Variants in SERPINB8 observed in about 807,000 individuals in gnomAD.
The protein encoded by SERPINB8 is serpin family B member 8.
Under a neutral mutation model 35.3 loss-of-function variants are expected in SERPINB8, and 25 were observed. That is an observed-to-expected ratio of 0.71 (90% CI 0.52 to 0.99). The LOEUF is 0.99. Among genes scored for constraint, SERPINB8 ranks in the 50% least tolerant of loss-of-function variants. The probability of loss-of-function intolerance (pLI) is 0.00; values close to 1 mark genes in which losing one functional copy is unlikely to be tolerated. For missense variants in SERPINB8, 484 were observed against 446.5 expected, an observed-to-expected ratio of 1.08 and a Z score of -0.76; for synonymous variants, 186 against 160.8, an observed-to-expected ratio of 1.16 and a Z score of -1.19.
At chr18:63,990,663 T>TCCCCCCCCCC (rs1306265823), downstream of SERPINB8, among the ~76,000 whole-genome samples, 1 of 144,126 alleles carries the variant, frequency 6.9e-6, no homozygotes, top group Non-Finnish European at 1.5e-5. Flanking sequence ...CTATCCCTCA[T>TCCCCCCCCCC]CCCTCCCCCC....
intron 5 of SERPINB8, among the ~76,000 whole-genome samples, chr18:63,984,631 C>G (rs951496752): frequency 2.0e-5 from 3 of 152,190 alleles, no homozygotes; most frequent in African/African-American, 7.2e-5. Flanking sequence ...TCTTCAAGGT[C>G]CCCTTCCTAA....
rs1460100854 is a variant in SERPINB8 at position 63,979,914 on chromosome 18, A to G, written c.282A>G (p.Gly94=). ...TTAGAACTGCCAACAGACTCTTTGG[A>G]GAAAAGACGTGTGATTTCCTTCCAG... ...YLLRTANRLF[G]EKTCDFLPDF... is the part of the protein sequence containing the mutation. Residue 94 remains glycine (G), a synonymous_variant, in exon 3 of 7, where the codon GGA becomes GGG. Transcript: ENST00000397985. 6.2e-7 allele frequency: 1 copy of G among 1,614,018 alleles called. No homozygotes were observed. Among genetic ancestry groups the G allele is most frequent in the African/African-American group, 1.3e-5 (1 of 74,938 alleles).
At chr18:64,007,173 T>C (rs763950352), downstream of SERPINB8, among the ~76,000 whole-genome samples, 3 of 151,810 alleles carry the variant, frequency 2.0e-5, no homozygotes, top group Non-Finnish European at 4.4e-5. Context: ...GATTACAATA[T>C]AATAAAATAA....
chr18:63,983,575 A>G lies in SERPINB8; in HGVS notation c.425-4A>G, dbSNP rs754448185. The stretch of plus-strand genomic sequence containing the variant: ...ATTGCAATAAACTCTCATATTCTTT[A>G]TAGGTAAGATTTCAGAGGTACTGGA... On this transcript the variant is annotated splice_polypyrimidine_tract_variant and splice_region_variant and intron_variant, in intron 4 of 6. Coordinates refer to ENST00000397985, the MANE Select transcript of SERPINB8 (RefSeq NM_002640.4). The G allele has an allele frequency of 6.2e-7, 1 of 1,613,038 alleles. No individual in the cohort carries two copies. The highest frequency in any genetic ancestry group is 8.5e-7 in the Non-Finnish European group (1 of 1,179,418).
At chr18:63,992,001 G>A (rs2050827267), downstream of SERPINB8, among the ~76,000 whole-genome samples, 1 of 152,140 alleles carries the variant, frequency 6.6e-6, no homozygotes, top group African/African-American at 2.4e-5. Context: ...TGGTCATGAT[G>A]TATTTCCTAT....
In SERPINB8 at chr18:63,987,191, A is replaced by C. The variant is rs778938577; in HGVS notation, c.1038A>C (p.Arg346Ser). 6.2e-7 allele frequency: 1 copy of C among 1,614,176 alleles called. No homozygotes were observed. The highest frequency in any genetic ancestry group is 1.7e-5 in the Admixed American group (1 of 60,020). ...CCCGGTGCAGCAGAATGGAGCCAAG[A>C]TTCTGTGCAGACCACCCTTTTCTTT... ...RNSRCSRMEP[R>S]FCADHPFLFF... Residue 346 changes from arginine to serine, a missense_variant, in exon 7 of 7, where the codon AGA becomes AGC. Coordinates refer to ENST00000397985, the MANE Select transcript of SERPINB8 (RefSeq NM_002640.4).
chr18:63,993,689 A>T (rs1372110892), downstream of SERPINB8, among the ~76,000 whole-genome samples: 2 of 152,198 alleles, frequency 1.3e-5, no homozygotes, highest in Non-Finnish European at 2.9e-5. Flanking sequence ...GTCCAGCTCT[A>T]GGTCAAAATC....
At position 63,987,374 on chromosome 18, in the gene SERPINB8, C is replaced by A; in HGVS notation, c.*96C>A. 3.2e-6 allele frequency: 4 copies of A among 1,253,564 alleles called. No homozygotes were observed. Among genetic ancestry groups the A allele is most frequent in the South Asian group, 1.4e-5 (1 of 69,658 alleles). 77.7% of individuals were successfully genotyped at this position (1,253,564 alleles called of 1,614,324 possible). A position where few individuals can be genotyped will look rare whatever the true frequency, so the allele number is the denominator to read the frequency against. On this transcript the variant is annotated 3_prime_UTR_variant, in exon 7 of 7. Coordinates refer to ENST00000397985, the MANE Select transcript of SERPINB8 (RefSeq NM_002640.4). ...CTAGTTGGTGCAGTGGCTTGAATGC[C>A]AAAATAAAGCGTGTGCACTGGATAG...
downstream of SERPINB8, among the ~76,000 whole-genome samples, chr18:63,989,874 C>T (rs1236832189): frequency 8.4e-6 from 1 of 118,406 alleles, no homozygotes; most frequent in Non-Finnish European, 1.6e-5. Flanking sequence ...ACCCGGGAGG[C>T]GGAGCTTGCA....
chr18:64,005,548 G>T (rs1182415348), exon 2 of SERPINB8: 2 of 152,186 alleles, frequency 1.3e-5, no homozygotes, highest in Non-Finnish European at 2.9e-5. Context: ...CAGTGAGAAG[G>T]TGCCATCTAT....
At chr18:64,011,666 T>A (rs2050926584) in intron 7 of SERPINB8, among the ~76,000 whole-genome samples, 1 of 152,158 alleles carries the variant, frequency 6.6e-6, no homozygotes, top group Non-Finnish European at 1.5e-5. Flanking sequence ...AACAATGTAT[T>A]GTTATTTGAA....
downstream of SERPINB8, among the ~76,000 whole-genome samples, chr18:63,994,210 T>C (rs1361768537): frequency 9.2e-5 from 14 of 152,076 alleles, no homozygotes; most frequent in Admixed American, 9.2e-4. Context: ...AATGGCACCA[T>C]GTCCTGGGTA....
At chr18:63,993,241 A>C (rs1376219623), downstream of SERPINB8, among the ~76,000 whole-genome samples, 2 of 152,186 alleles carry the variant, frequency 1.3e-5, no homozygotes, top group Non-Finnish European at 2.9e-5. Context: ...GGCATCAATA[A>C]ATTTTGATAT....
chr18:63,975,542 T>C (rs915799014), intron 1 of SERPINB8, among the ~76,000 whole-genome samples: 1 of 152,186 alleles, frequency 6.6e-6, no homozygotes, highest in African/African-American at 2.4e-5. Flanking sequence ...CATGATTGTG[T>C]TTTCTTGGTT....
intron 1 of SERPINB8, among the ~76,000 whole-genome samples, chr18:63,994,819 C>G (rs1422767857): frequency 6.6e-6 from 1 of 152,154 alleles, no homozygotes; most frequent in Non-Finnish European, 1.5e-5. Context: ...AATTTTTATG[C>G]CACTACTGCT....
intron 4 of SERPINB8, among the ~76,000 whole-genome samples, chr18:63,982,583 A>G (rs889722252): frequency 7.9e-5 from 12 of 152,226 alleles, no homozygotes; most frequent in Admixed American, 3.9e-4. Flanking sequence ...TGTGTCCAGC[A>G]GAAGTAATGC....
At chr18:63,980,056 A>T in intron 3 of SERPINB8, 118 bp downstream of exon 3, 1 of 1,001,940 alleles carries the variant, frequency 1.0e-6, no homozygotes, top group African/African-American at 1.6e-5. Flanking sequence ...CACTTCTGAA[A>T]TTACAATTTT....
At chr18:64,011,641 T>A (rs879327730) in intron 7 of SERPINB8, among the ~76,000 whole-genome samples, 4 of 152,188 alleles carry the variant, frequency 2.6e-5, no homozygotes, top group Non-Finnish European at 5.9e-5. Flanking sequence ...TGAGTAGAGC[T>A]GCCATTAATT....
At position 63,988,805 on chromosome 18, in the gene SERPINB8, T is replaced by G. The variant is rs889770041; in HGVS notation, c.*1527T>G. ...TTTCCAAAGCAGGTTTGGGCAAAATTAATCCACAGGACTGAAAGGTATACA... is the reference window on the plus strand; with the variant it reads ...TTTCCAAAGCAGGTTTGGGCAAAATGAATCCACAGGACTGAAAGGTATACA... On this transcript the variant is annotated 3_prime_UTR_variant, in exon 7 of 7. Coordinates refer to ENST00000397985, the MANE Select transcript of SERPINB8 (RefSeq NM_002640.4). The G allele has an allele frequency of 1.3e-5, 2 of 152,264 alleles. No homozygotes were observed. The highest frequency in any genetic ancestry group is 4.8e-5 in the African/African-American group (2 of 41,476). 9.4% of individuals were successfully genotyped at this position (152,264 alleles called of 1,614,324 possible).
Sources: allele counts gnomAD v4.1 joint callset (sites outside exome capture counted in the v4.1 genomes callset), GRCh38; gene constraint gnomAD v4.1.1; transcripts MANE v1.5; gene names NCBI Gene and HGNC (gene_info 2026-07-23, HGNC 2026-07-21).